RRP7A: variants seen among roughly 807,000 people sequenced by gnomAD.
RRP7A encodes the protein ribosomal RNA-processing protein 7 homolog A.
In RRP7A, 27 loss-of-function variants were observed where a neutral mutation model predicts 38.4. That is an observed-to-expected ratio of 0.70 (90% CI 0.52 to 0.97). The LOEUF is 0.97. Ranked by LOEUF, RRP7A falls within the 50% of genes least tolerant of loss-of-function variation. The probability of loss-of-function intolerance (pLI) is 0.00; values close to 1 mark genes in which losing one functional copy is unlikely to be tolerated. For synonymous variants in RRP7A, 124 were observed against 150.3 expected (o/e 0.83, Z 1.28); for missense variants, 327 against 375.4 (o/e 0.87, Z 1.07).
chr22:42,516,444 G>A, intron 2 of RRP7A: 1 of 424,292 alleles, frequency 2.4e-6, no homozygotes. Flanking sequence ...CGAGCAGCTG[G>A]GATTACAAGC....
At chr22:42,513,371 A>C (rs1037596181) in intron 6 of RRP7A, among the ~76,000 whole-genome samples, 2 of 104,940 alleles carry the variant, frequency 1.9e-5, no homozygotes, top group African/African-American at 6.9e-5. Flanking sequence ...TGTGCTGGTG[A>C]ATGCAGATGG....
At chr22:42,516,528 G>C (rs1920930256) in intron 2 of RRP7A, 1 of 360,878 alleles carries the variant, frequency 2.8e-6, no homozygotes, top group Admixed American at 3.7e-5. Flanking sequence ...GGCCAGGCTG[G>C]TCTTGAACTC....
chr22:42,516,170 T>C, intron 2 of RRP7A, 34 bp from the exon 3 acceptor site: 1 of 1,609,814 alleles, frequency 6.2e-7, no homozygotes, highest in Non-Finnish European at 8.5e-7. Context: ...AGTGTGAGCA[T>C]CCGCAGGGCC....
Position 42,514,799 on chromosome 22 carries a change from G to T in RRP7A, c.461-20C>A. On this transcript the variant is annotated intron_variant, in intron 4 of 6. Coordinates refer to ENST00000323013, the MANE Select transcript of RRP7A (RefSeq NM_015703.5). The stretch of plus-strand genomic sequence containing the variant: ...TCCACTCTGAGGAAAAGGGAGCCAG[G>T]GAAACGGGGCTTCCTCAGGCCTGGC... 6.3e-7 allele frequency: 1 copy of T among 1,581,484 alleles called. No individual in the cohort carries two copies. The highest frequency in any genetic ancestry group is 1.1e-5 in the South Asian group (1 of 88,876).
rs552468608 is a variant in RRP7A at position 42,508,863 on chromosome 22, A to G, written c.*4047T>C. Among the ~76,000 whole-genome samples the G allele has an allele frequency of 0.017, 2,557 of 152,222 alleles. 90 individuals are homozygous for G. Among genetic ancestry groups the G allele is most frequent in the African/African-American group, 0.059 (2,445 of 41,484 alleles). On this transcript the variant is annotated 3_prime_UTR_variant, in exon 7 of 7. Transcript: ENST00000323013. ...CAGGAGTCTCTGGCCACCAGGGGCTAAAGAGCCTTCGATGAGGCAGTGATG... is the reference window on the plus strand; with the variant it reads ...CAGGAGTCTCTGGCCACCAGGGGCTGAAGAGCCTTCGATGAGGCAGTGATG...
In RRP7A at chr22:42,508,505, AAC is replaced by A. The variant is rs1382666660; in HGVS notation, c.*4403_*4404del. ...CCACATCCCCGCCATCCAGACGTAAAACAGTCACAAGACAGGGCAGGCAGGGC... is the reference window on the plus strand; with the variant it reads ...CCACATCCCCGCCATCCAGACGTAAAAGTCACAAGACAGGGCAGGCAGGGC... On this transcript the variant is annotated 3_prime_UTR_variant, in exon 7 of 7. Transcript: ENST00000323013. Among the ~76,000 whole-genome samples, 2 of 152,118 alleles carry A rather than the reference AAC, an allele frequency of 1.3e-5. No homozygotes were observed. Among genetic ancestry groups the A allele is most frequent in the Non-Finnish European group, 2.9e-5 (2 of 68,022 alleles).
In RRP7A at chr22:42,512,592, G is replaced by C. The variant is rs140898165; in HGVS notation, c.*318C>G. Reference sequence around the variant, plus strand: ...TTGAGGCTTTTTCGTTGCCAGCAAGGGCTTTTGCATTGAGGGAAAAGGAAG... The same window carrying C: ...TTGAGGCTTTTTCGTTGCCAGCAAGCGCTTTTGCATTGAGGGAAAAGGAAG... On this transcript the variant is annotated 3_prime_UTR_variant, in exon 7 of 7. Coordinates refer to ENST00000323013, the MANE Select transcript of RRP7A (RefSeq NM_015703.5). The C allele has an allele frequency of 8.8e-4, 481 of 548,326 alleles. 3 individuals carry two copies. Among genetic ancestry groups the C allele is most frequent in the African/African-American group, 8.1e-3 (429 of 53,064 alleles). The allele number at this position is 548,326 out of a possible 1,614,324, so 34.0% of individuals were successfully genotyped here.
chr22:42,514,841 A>C, intron 4 of RRP7A, 62 bp from the exon 5 acceptor site: 2 of 1,189,460 alleles, frequency 1.7e-6, no homozygotes, highest in Non-Finnish European at 2.4e-6. Flanking sequence ...GCCCCACCCC[A>C]GGGCCTGCCA....
At chr22:42,514,611 C>G in intron 5 of RRP7A, 71 bp downstream of exon 5, 1 of 1,316,628 alleles carries the variant, frequency 7.6e-7, no homozygotes, top group Non-Finnish European at 1.1e-6. Context: ...CCACTGCCCT[C>G]CCTCTGGGGC....
In RRP7A at chr22:42,508,722, A is replaced by C. The variant is rs1480427983; in HGVS notation, c.*4188T>G. Reference sequence around the variant, plus strand: ...AAAATCCAGGCCCAAAAGTGGCCCAACTCACTTCTCTGACTTTAATCACAC... The same window carrying C: ...AAAATCCAGGCCCAAAAGTGGCCCACCTCACTTCTCTGACTTTAATCACAC... On this transcript the variant is annotated 3_prime_UTR_variant, in exon 7 of 7. Coordinates refer to ENST00000323013, the MANE Select transcript of RRP7A (RefSeq NM_015703.5). Among the ~76,000 whole-genome samples the C allele has an allele frequency of 6.6e-6, 1 of 152,242 alleles. No individual in the cohort carries two copies. The highest frequency in any genetic ancestry group is 2.4e-5 in the African/African-American group (1 of 41,460).
intron 6 of RRP7A, among the ~76,000 whole-genome samples, chr22:42,513,450 G>A (rs1460542937): frequency 2.8e-5 from 3 of 107,914 alleles, no homozygotes; most frequent in Non-Finnish European, 4.0e-5. Flanking sequence ...GCACGAGCGG[G>A]AGCCAGGAGG....
rs1267598245 is a variant in RRP7A, at chr22:42,517,990, C to G, written c.216+15G>C. 4.3e-6 allele frequency: 7 copies of G among 1,610,576 alleles called. No individual in the cohort carries two copies. In the East Asian group the frequency reaches 1.1e-4, roughly 26 times the overall value. ...TTGAGCCCACAGGTCTCCTCCCAGA[C>G]AGACACTAGCTCACCTCTGTGCAGT... On this transcript the variant is annotated intron_variant, in intron 2 of 6. Transcript: ENST00000323013.
At chr22:42,519,607 A>C in intron 1 of RRP7A, 107 bp downstream of exon 1, 1 of 993,282 alleles carries the variant, frequency 1.0e-6, no homozygotes, top group Non-Finnish European at 1.4e-6. Context: ...ACCGGGGCTC[A>C]CACCCAACCG....
chr22:42,510,922 A>G lies in RRP7A; in HGVS notation c.*1988T>C. 1 of 467,864 alleles carries G rather than the reference A, an allele frequency of 2.1e-6. No individual in the cohort carries two copies. 29.0% of individuals were successfully genotyped at this position (467,864 alleles called of 1,614,324 possible). ...GGACACATGTAATCAGAATTTAAGA[A>G]ACAGAGACCTTTGGTGGGGAGGTTC... On this transcript the variant is annotated 3_prime_UTR_variant, in exon 7 of 7. Transcript: ENST00000323013.
chr22:42,515,904 C>G lies in RRP7A; in HGVS notation c.342+107G>C, dbSNP rs1920928183. ...TTACACCACACACGGTGAGGATGGG[C>G]TCAGGACCAGAGAATGCTCTGATGT... is the stretch of plus-strand genomic sequence containing the variant. On this transcript the variant is annotated intron_variant, in intron 3 of 6. Transcript: ENST00000323013. 2.2e-6 allele frequency: 3 copies of G among 1,384,530 alleles called. No homozygotes were observed. In the South Asian group the frequency reaches 4.2e-5, roughly 19 times the overall value. The allele number at this position is 1,384,530 out of a possible 1,614,324, so 85.8% of individuals were successfully genotyped here.
At chr22:42,517,289 TTAAA>T (rs3046334) in intron 2 of RRP7A, among the ~76,000 whole-genome samples, 12 of 131,654 alleles carry the variant, frequency 9.1e-5, no homozygotes, top group African/African-American at 1.7e-4. Context: ...AATAAATAAA[TTAAA>T]TAAATAAATA....
In RRP7A at chr22:42,509,160, C is replaced by T. The variant is rs768028386; in HGVS notation, c.*3750G>A. 110 of 1,611,332 alleles carry T rather than the reference C, an allele frequency of 6.8e-5. 1 individual carries two copies. Among genetic ancestry groups the T allele is most frequent in the Non-Finnish European group, 8.1e-5 (95 of 1,178,316 alleles). ...GTCACCCCCCAAGGAGACATGGGCG[C>T]CAGGAATCTCTGGGAGGGGGCCCTG... On this transcript the variant is annotated 3_prime_UTR_variant, in exon 7 of 7. Coordinates refer to ENST00000323013, the MANE Select transcript of RRP7A (RefSeq NM_015703.5).
chr22:42,519,463 A>T (rs1320004956), intron 1 of RRP7A, among the ~76,000 whole-genome samples: 1 of 152,136 alleles, frequency 6.6e-6, no homozygotes, highest in Non-Finnish European at 1.5e-5. Context: ...GAGAGTGTGG[A>T]CAGAGGCGGG....
At chr22:42,517,947 G>A (rs1920935238) in intron 2 of RRP7A, 58 bp downstream of exon 2, 3 of 1,579,224 alleles carry the variant, frequency 1.9e-6, no homozygotes, top group Non-Finnish European at 2.6e-6. Flanking sequence ...CTTGGTGGAG[G>A]CCATGGGAGC....
Sources: allele counts gnomAD v4.1 joint callset (sites outside exome capture counted in the v4.1 genomes callset), GRCh38; gene constraint gnomAD v4.1.1; transcripts MANE v1.5; gene names NCBI Gene and HGNC (gene_info 2026-07-23, HGNC 2026-07-21).